The following TMEM163 variants were observed in gnomAD, a reference collection of about 807,000 sequenced individuals.
The protein encoded by TMEM163 is transmembrane protein 163.
A neutral mutation model predicts 29.3 loss-of-function variants in TMEM163; 17 were observed. That is an observed-to-expected ratio of 0.58 (90% CI 0.40 to 0.87). TMEM163 has a LOEUF of 0.87. Ranked by LOEUF, TMEM163 falls within the 40% of genes least tolerant of loss-of-function variation. TMEM163 has a pLI of 0.00. For synonymous variants in TMEM163, 157 were observed against 160.6 expected, an observed-to-expected ratio of 0.98 and a Z score of 0.17; for missense variants, 303 against 381.5, an observed-to-expected ratio of 0.79 and a Z score of 1.71.
intron 5 of TMEM163, among the ~76,000 whole-genome samples, chr2:134,474,572 T>G (rs1180276042): frequency 2.6e-5 from 4 of 152,220 alleles, no homozygotes; most frequent in Admixed American, 2.6e-4. Flanking sequence ...AAAGCCATTT[T>G]TATTTACAGA....
chr2:134,463,946 AG>A (rs1686606228), intron 6 of TMEM163, among the ~76,000 whole-genome samples: 2 of 152,204 alleles, frequency 1.3e-5, no homozygotes, highest in Non-Finnish European at 2.9e-5. Flanking sequence ...AGCTTGAGGA[AG>A]GGGGTCCTGC....
chr2:134,482,986 G>C (rs1679228495), intron 5 of TMEM163, among the ~76,000 whole-genome samples: 1 of 152,034 alleles, frequency 6.6e-6, no homozygotes, highest in South Asian at 2.1e-4. Flanking sequence ...ACCGAGAAGG[G>C]AGCAGACACT....
chr2:134,629,506 T>A (rs560467056), intron 2 of TMEM163, among the ~76,000 whole-genome samples: 1 of 152,292 alleles, frequency 6.6e-6, no homozygotes, highest in East Asian at 1.9e-4. Context: ...CAAGTTTGTA[T>A]AGATACAAGG....
chr2:134,478,678 G>A (rs1205656797), intron 5 of TMEM163, among the ~76,000 whole-genome samples: 1 of 152,218 alleles, frequency 6.6e-6, no homozygotes, highest in Non-Finnish European at 1.5e-5. Flanking sequence ...AGTGTTAAAA[G>A]TTTGCAAAAT....
intron 5 of TMEM163, among the ~76,000 whole-genome samples, chr2:134,471,695 C>T (rs1028448450): frequency 6.6e-6 from 1 of 152,188 alleles, no homozygotes; most frequent in Non-Finnish European, 1.5e-5. Context: ...AACCATAACA[C>T]GTGTAGGCTG....
intron 2 of TMEM163, among the ~76,000 whole-genome samples, chr2:134,596,367 G>A (rs932960003): frequency 2.0e-5 from 3 of 152,138 alleles, no homozygotes; most frequent in African/African-American, 7.2e-5. Context: ...TTTTAAATAG[G>A]GAATCCTTTC....
chr2:134,710,137 G>T (rs948275775), intron 2 of TMEM163, among the ~76,000 whole-genome samples: 7 of 152,116 alleles, frequency 4.6e-5, no homozygotes, highest in African/African-American at 1.7e-4. Flanking sequence ...CTGCACCCCA[G>T]CCACCTTAGG....
Position 134,637,232 on chromosome 2 carries a change from C to A in TMEM163, c.322+75968G>T, listed in dbSNP as rs373049469. ...CTGTGTGGAGTTGGCACATTCTCCCCACGGCTGCATGGGTTTCCTCTGGAG... is the reference window on the plus strand; with the variant it reads ...CTGTGTGGAGTTGGCACATTCTCCCAACGGCTGCATGGGTTTCCTCTGGAG... On this transcript the variant is annotated intron_variant, in intron 2 of 7. Coordinates refer to ENST00000281924, the MANE Select transcript of TMEM163 (RefSeq NM_030923.5). Among the ~76,000 whole-genome samples, 13 of 152,316 alleles carry A rather than the reference C, an allele frequency of 8.5e-5. No individual in the cohort carries two copies. The East Asian group carries it at 2.5e-3, about 29-fold the overall frequency.
intron 2 of TMEM163, among the ~76,000 whole-genome samples, chr2:134,688,198 A>C (rs1371405256): frequency 6.6e-6 from 1 of 152,138 alleles, no homozygotes. Flanking sequence ...GGAGCTTCTC[A>C]CTGGTTCTGC....
At chr2:134,543,505 C>A (rs890654101) in intron 4 of TMEM163, among the ~76,000 whole-genome samples, 1 of 152,180 alleles carries the variant, frequency 6.6e-6, no homozygotes, top group African/African-American at 2.4e-5. Context: ...GATCAAACAC[C>A]CTACGGGAAG....
chr2:134,637,983 T>C (rs938239578), intron 2 of TMEM163, among the ~76,000 whole-genome samples: 1 of 152,236 alleles, frequency 6.6e-6, no homozygotes, highest in Admixed American at 6.5e-5. Flanking sequence ...GGACTTAATG[T>C]GCATGGCTTA....
intron 2 of TMEM163, among the ~76,000 whole-genome samples, chr2:134,555,587 G>A (rs1171817324): frequency 3.3e-5 from 5 of 152,338 alleles, no homozygotes; most frequent in East Asian, 3.9e-4. Context: ...GCCGTGGGGC[G>A]GAGCTCTCCT....
At chr2:134,688,732 T>C (rs1166664250) in intron 2 of TMEM163, among the ~76,000 whole-genome samples, 1 of 152,206 alleles carries the variant, frequency 6.6e-6, no homozygotes, top group Non-Finnish European at 1.5e-5. Flanking sequence ...ATTAATCCTG[T>C]TCTAATGTCT....
chr2:134,577,944 G>T, intron 2 of TMEM163, among the ~76,000 whole-genome samples: 1 of 152,140 alleles, frequency 6.6e-6, no homozygotes, highest in East Asian at 1.9e-4. Context: ...GATGTGTGTA[G>T]GTTACATGCA....
chr2:134,680,363 TA>T (rs11301598), intron 2 of TMEM163, among the ~76,000 whole-genome samples: 33,305 of 144,864 alleles, frequency 0.23, 4,552 homozygotes, highest in Middle Eastern at 0.39. Context: ...ATGAGACCTA[TA>T]AAAAAAAAAA....
In TMEM163 at chr2:134,655,172, C is replaced by T. The variant is rs1183665920; in HGVS notation, c.322+58028G>A. Among the ~76,000 whole-genome samples, 16 of 140,910 alleles carry T rather than the reference C, an allele frequency of 1.1e-4. 2 individuals are homozygous for T. In the South Asian group the frequency reaches 3.2e-3, roughly 28 times the overall value. The allele number at this position is 140,910 out of a possible 152,430, so 92.4% of individuals were successfully genotyped here. A position where few individuals can be genotyped will look rare whatever the true frequency, so the allele number is the denominator to read the frequency against. On this transcript the variant is annotated intron_variant, in intron 2 of 7. Transcript: ENST00000281924. ...CAACTTGGTTCCATTCTCACCATCA[C>T]TTTCAGGTACACCAATCAGACGTAG...
Position 134,678,700 on chromosome 2 carries a change from G to A in TMEM163, c.322+34500C>T, listed in dbSNP as rs79655073. On this transcript the variant is annotated intron_variant, in intron 2 of 7. Coordinates refer to ENST00000281924, the MANE Select transcript of TMEM163 (RefSeq NM_030923.5). ...TCCCATTCCCCAGGTCGACTGGGCTGCAAGTACCAAAAGCAATAGCAAGCC... is the reference window on the plus strand; with the variant it reads ...TCCCATTCCCCAGGTCGACTGGGCTACAAGTACCAAAAGCAATAGCAAGCC... Among the ~76,000 whole-genome samples the A allele has an allele frequency of 4.1e-4, 62 of 152,296 alleles. 1 individual carries two copies. In the East Asian group the frequency reaches 0.011, roughly 27 times the overall value.
chr2:134,512,203 A>AT (rs1198923887), intron 4 of TMEM163, among the ~76,000 whole-genome samples: 1 of 152,194 alleles, frequency 6.6e-6, no homozygotes, highest in Non-Finnish European at 1.5e-5. Flanking sequence ...CATGCCTGTA[A>AT]TCTCAGCACT....
intron 2 of TMEM163, among the ~76,000 whole-genome samples, chr2:134,605,836 T>C (rs553763678): frequency 6.6e-6 from 1 of 152,282 alleles, no homozygotes; most frequent in East Asian, 1.9e-4. Context: ...ATGACAACAA[T>C]GTATTGTGTA....
Sources: allele counts gnomAD v4.1 joint callset (sites outside exome capture counted in the v4.1 genomes callset), GRCh38; gene constraint gnomAD v4.1.1; transcripts MANE v1.5; gene names NCBI Gene and HGNC (gene_info 2026-07-23, HGNC 2026-07-21).